The following RAB11FIP2 variants were observed in gnomAD, a reference collection of about 807,000 sequenced individuals.
RAB11FIP2 encodes rab11 family-interacting protein 2.
In RAB11FIP2, 16 loss-of-function variants were observed where a neutral mutation model predicts 40.9. The ratio of observed to expected loss-of-function variants is 0.39; its 90% confidence interval spans 0.26 to 0.59. RAB11FIP2 has a LOEUF of 0.59. Ranked by LOEUF, RAB11FIP2 falls within the 20% of genes least tolerant of loss-of-function variation. RAB11FIP2 has a pLI of 0.53. For missense variants in RAB11FIP2, 532 were observed against 606.2 expected (o/e 0.88, Z 1.28); for synonymous variants, 228 against 213.7 (o/e 1.07, Z -0.58).
chr10:118,020,392 G>A (rs192797463), intron 3 of RAB11FIP2, among the ~76,000 whole-genome samples: 158 of 152,286 alleles, frequency 1.0e-3, no homozygotes, highest in Admixed American at 8.8e-3. Context: ...AATGCAACAG[G>A]TTTGGAAATA....
intron 3 of RAB11FIP2, among the ~76,000 whole-genome samples, chr10:118,037,499 G>GT (rs1846496225): frequency 6.6e-6 from 1 of 151,984 alleles, no homozygotes; most frequent in Non-Finnish European, 1.5e-5. Flanking sequence ...ACAAAGCACT[G>GT]TTTTTTAGTA....
At chr10:118,032,880 A>G (rs1047039990) in intron 3 of RAB11FIP2, among the ~76,000 whole-genome samples, 8 of 152,022 alleles carry the variant, frequency 5.3e-5, no homozygotes, top group African/African-American at 1.9e-4. Flanking sequence ...CTTAGTAGCC[A>G]TCTCGGCTAT....
At chr10:118,022,285 A>G (rs1359936691) in intron 3 of RAB11FIP2, among the ~76,000 whole-genome samples, 1 of 152,220 alleles carries the variant, frequency 6.6e-6, no homozygotes, top group South Asian at 2.1e-4. Flanking sequence ...TTCTGCTGAC[A>G]CTACTGCAAC....
rs1006437472 is a variant in RAB11FIP2, at chr10:118,040,235, C to T, written c.684G>A (p.Met228Ile). The change falls in exon 2 of 5, where the codon ATG becomes ATA. Residue 228 changes from methionine (M) to isoleucine (I), a missense_variant. Coordinates refer to ENST00000355624, the MANE Select transcript of RAB11FIP2 (RefSeq NM_014904.3). ...GPQRLSSAHS[M>I]SDLSGSHMSS... is the part of the protein sequence containing the mutation. Reference sequence around the variant, plus strand: ...ACATATGGGACCCAGATAAATCAGACATTGAATGCGCTGACGAGAGTCGCT... The same window carrying T: ...ACATATGGGACCCAGATAAATCAGATATTGAATGCGCTGACGAGAGTCGCT... 1 of 1,613,808 alleles carries T rather than the reference C, an allele frequency of 6.2e-7. No homozygotes were observed. Among genetic ancestry groups the T allele is most frequent in the East Asian group, 2.2e-5 (1 of 44,872 alleles).
At chr10:118,039,674 A>G (rs1357756615) in intron 2 of RAB11FIP2, 1 of 486,612 alleles carries the variant, frequency 2.1e-6, no homozygotes, top group African/African-American at 2.0e-5. Flanking sequence ...TCAGCTCACA[A>G]TCATATAAAC....
intron 3 of RAB11FIP2, among the ~76,000 whole-genome samples, chr10:118,034,504 T>G (rs1196239412): frequency 6.6e-6 from 1 of 152,180 alleles, no homozygotes; most frequent in African/African-American, 2.4e-5. Flanking sequence ...GATAATTTGT[T>G]GTGAACAAAT....
chr10:118,011,812 C>T (rs1846159643), intron 4 of RAB11FIP2, among the ~76,000 whole-genome samples: 1 of 151,952 alleles, frequency 6.6e-6, no homozygotes. Context: ...GTGAGAATTG[C>T]AGGGATTAAT....
At chr10:118,012,408 A>G (rs1846168917) in intron 4 of RAB11FIP2, among the ~76,000 whole-genome samples, 1 of 151,954 alleles carries the variant, frequency 6.6e-6, no homozygotes, top group Non-Finnish European at 1.5e-5. Context: ...TATTCTGGAA[A>G]AGAATATAAA....
In RAB11FIP2 at chr10:118,008,716, A is replaced by C. The variant is rs888284133; in HGVS notation, c.*282T>G. 8.6e-6 allele frequency: 3 copies of C among 348,638 alleles called. No individual in the cohort carries two copies. Among genetic ancestry groups the C allele is most frequent in the African/African-American group, 6.2e-5 (3 of 48,324 alleles). 21.6% of individuals were successfully genotyped at this position (348,638 alleles called of 1,614,324 possible). ...CTGAAGATATTTCTGGGCCTATGGC[A>C]GATTAGTGGGTCAGTACCAGCACCT... is the stretch of plus-strand genomic sequence containing the variant. On this transcript the variant is annotated 3_prime_UTR_variant, in exon 5 of 5. Transcript: ENST00000355624.
intron 3 of RAB11FIP2, among the ~76,000 whole-genome samples, chr10:118,022,398 A>G (rs552047139): frequency 6.6e-6 from 1 of 152,300 alleles, no homozygotes; most frequent in Admixed American, 6.5e-5. Context: ...TTCGTCTGTC[A>G]AAAAACTTTT....
At position 118,008,141 on chromosome 10, in the gene RAB11FIP2, A is replaced by C. The variant is rs1379656258; in HGVS notation, c.*857T>G. ...TATCTTCTGCTTATACCTTAAACAA[A>C]CTCAAATGTTAATTAATTCAAATAA... On this transcript the variant is annotated 3_prime_UTR_variant, in exon 5 of 5. Transcript: ENST00000355624. 2 of 152,314 alleles carry C rather than the reference A, an allele frequency of 1.3e-5. No individual in the cohort carries two copies. The highest frequency in any genetic ancestry group is 2.9e-5 in the Non-Finnish European group (2 of 68,010). The allele number at this position is 152,314 out of a possible 1,614,324, so 9.4% of individuals were successfully genotyped here.
At chr10:118,024,277 A>G (rs1452126616) in intron 3 of RAB11FIP2, among the ~76,000 whole-genome samples, 2 of 152,090 alleles carry the variant, frequency 1.3e-5, no homozygotes, top group Non-Finnish European at 2.9e-5. Flanking sequence ...ATACAATTTG[A>G]CATCTCAAGT....
chr10:118,011,755 T>C (rs1035822623), intron 4 of RAB11FIP2, among the ~76,000 whole-genome samples: 1 of 152,102 alleles, frequency 6.6e-6, no homozygotes, highest in Non-Finnish European at 1.5e-5. Flanking sequence ...CTAACTAATG[T>C]GATTTCACTT....
intron 4 of RAB11FIP2, among the ~76,000 whole-genome samples, chr10:118,012,493 A>G (rs1451977880): frequency 1.3e-5 from 2 of 151,912 alleles, no homozygotes; most frequent in South Asian, 2.1e-4. Context: ...TTCTAATTTT[A>G]GGCATGAGAT....
At chr10:118,028,585 A>G (rs1300829676) in intron 3 of RAB11FIP2, among the ~76,000 whole-genome samples, 1 of 152,122 alleles carries the variant, frequency 6.6e-6, no homozygotes, top group Non-Finnish European at 1.5e-5. Context: ...AAGTTAAAGC[A>G]TTATTGTCAT....
chr10:118,024,876 A>G (rs1453479310), intron 3 of RAB11FIP2, among the ~76,000 whole-genome samples: 2 of 152,170 alleles, frequency 1.3e-5, no homozygotes, highest in African/African-American at 2.4e-5. Context: ...GTTTAAGAAC[A>G]GCCTGCAATG....
chr10:118,040,610 G>T (rs181577309), intron 1 of RAB11FIP2, 45 bp from the exon 2 acceptor site: 65 of 1,345,524 alleles, frequency 4.8e-5, no homozygotes, highest in Non-Finnish European at 6.5e-5. Flanking sequence ...ATAATAGAGA[G>T]AGGATACTGA....
chr10:118,036,090 C>T (rs1303400691), intron 3 of RAB11FIP2, among the ~76,000 whole-genome samples: 2 of 151,922 alleles, frequency 1.3e-5, no homozygotes, highest in Non-Finnish European at 2.9e-5. Flanking sequence ...AAAAAGTGTG[C>T]CTTAGTACAT....
chr10:118,038,077 A>C (rs1458492446), intron 3 of RAB11FIP2, among the ~76,000 whole-genome samples: 1 of 151,906 alleles, frequency 6.6e-6, no homozygotes, highest in Non-Finnish European at 1.5e-5. Flanking sequence ...GATTGAATCC[A>C]AAAATGCAGA....
Sources: gnomAD v4.1 joint callset for allele counts (sites outside exome capture counted in the v4.1 genomes callset) on GRCh38, gnomAD v4.1.1 for gene constraint, MANE v1.5 for transcripts, NCBI Gene and HGNC (gene_info 2026-07-23, HGNC 2026-07-21) for gene names.